The following UBR4 variants were observed in gnomAD, a reference collection of about 807,000 sequenced individuals.
The protein encoded by UBR4 is ubiquitin protein ligase E3 component n-recognin 4.
In UBR4, 124 loss-of-function variants were observed where a neutral mutation model predicts 575.6. That is an observed-to-expected ratio of 0.22 (90% confidence interval 0.19 to 0.25). The LOEUF (loss-of-function observed/expected upper bound fraction) is 0.25. Among genes scored for constraint, UBR4 ranks in the 10% least tolerant of loss-of-function variants. The pLI, the probability that UBR4 is intolerant of heterozygous loss-of-function variation, is 1.00. For synonymous variants in UBR4, 2,455 were observed against 2,473.7 expected (o/e 0.99, Z 0.22); for missense variants, 4,818 against 6,478.8 (o/e 0.74, Z 8.80).
rs1404023884 is a variant in UBR4 at position 19,173,292 on chromosome 1, T to C, written c.3180A>G (p.Lys1060=). Residue 1060 remains lysine, a synonymous_variant, in exon 24 of 106, where the codon AAA becomes AAG. Coordinates refer to ENST00000375254, the MANE Select transcript of UBR4 (RefSeq NM_020765.3). ...TAGCATGCTCAGCCTTCATTCCCTG[T>C]TTGATAAGGTGATCCTATTTGGACA... The part of the protein sequence containing the change: ...YVNWIKDHLI[K]QGMKAEHASS... 1 of 1,614,206 alleles carries C rather than the reference T, an allele frequency of 6.2e-7. No individual in the cohort carries two copies. The highest frequency in any genetic ancestry group is 1.1e-5 in the South Asian group (1 of 91,086).
At chr1:19,126,364 C>G in intron 64 of UBR4, 82 bp downstream of exon 64, 2 of 1,553,438 alleles carry the variant, frequency 1.3e-6, no homozygotes, top group Non-Finnish European at 1.8e-6. Context: ...CCCTCAGCCC[C>G]TTGAGCTCTC....
chr1:19,108,622 G>T (rs2079499874), intron 81 of UBR4, among the ~76,000 whole-genome samples: 1 of 152,124 alleles, frequency 6.6e-6, no homozygotes. Context: ...TGGCAGTGAA[G>T]AACTGCACAG....
chr1:19,173,770 C>A, intron 22 of UBR4, 149 bp from the exon 23 acceptor site: 1 of 744,086 alleles, frequency 1.3e-6, no homozygotes, highest in Non-Finnish European at 2.2e-6. Flanking sequence ...GTCCATTCTC[C>A]AGATCTTTCT....
Position 19,139,421 on chromosome 1 carries a change from T to C in UBR4, c.8594-201A>G, listed in dbSNP as rs1255323090. ...TAATCACTAACAGGAACAAACACTATACACGGTGCATTGCAAACAGTACTT... is the reference window on the plus strand; with the variant it reads ...TAATCACTAACAGGAACAAACACTACACACGGTGCATTGCAAACAGTACTT... On this transcript the variant is annotated intron_variant, in intron 58 of 105. Coordinates refer to ENST00000375254, the MANE Select transcript of UBR4 (RefSeq NM_020765.3). This position sits in a 1 kb window ranked among gnomAD's most constrained non-coding sequence, Gnocchi z 4.2. Among the ~76,000 whole-genome samples the C allele has an allele frequency of 6.6e-6, 1 of 152,180 alleles. No individual in the cohort carries two copies. Among genetic ancestry groups the C allele is most frequent in the East Asian group, 1.9e-4 (1 of 5,190 alleles).
chr1:19,168,003 T>C (rs1186855587), intron 28 of UBR4, 24 bp downstream of exon 28: 2 of 1,590,846 alleles, frequency 1.3e-6, no homozygotes, highest in East Asian at 2.3e-5. Context: ...ATAGAGTCCT[T>C]GGGGCTAGGT....
chr1:19,186,747 C>T, intron 13 of UBR4, 90 bp from the exon 14 acceptor site: 1 of 1,317,520 alleles, frequency 7.6e-7, no homozygotes, highest in Non-Finnish European at 1.1e-6. Flanking sequence ...TTTATTTTTT[C>T]CTAAATCCAA....
intron 64 of UBR4, among the ~76,000 whole-genome samples, chr1:19,124,974 G>T (rs1404067149): frequency 6.6e-6 from 1 of 151,568 alleles, no homozygotes; most frequent in African/African-American, 2.4e-5. Flanking sequence ...ATTGTACTCT[G>T]CCTACATAAA....
At chr1:19,169,164 G>A (rs946784090) in intron 27 of UBR4, among the ~76,000 whole-genome samples, 7 of 152,096 alleles carry the variant, frequency 4.6e-5, no homozygotes, top group South Asian at 2.1e-4. Context: ...ACATTGAATC[G>A]TCACAGCCCA....
In UBR4 at chr1:19,146,868, G is replaced by C; in HGVS notation, c.7762C>G (p.Leu2588Val). 1 of 1,614,178 alleles carries C rather than the reference G, an allele frequency of 6.2e-7. No homozygotes were observed. The highest frequency in any genetic ancestry group is 8.5e-7 in the Non-Finnish European group (1 of 1,180,002). Residue 2588 changes from leucine (L) to valine (V), a missense_variant, in exon 52 of 106, where the codon CTT becomes GTT. By Grantham distance (32) the Leu-to-Val change is conservative (BLOSUM62 1). Around this residue, in one of 29 missense-constraint regions of UBR4, gnomAD observed 340 missense variants for 375.4 expected, o/e 0.91. Coordinates refer to ENST00000375254, the MANE Select transcript of UBR4 (RefSeq NM_020765.3). Reference protein sequence around the residue: ...RSIAIMRPNNLVHFTESKLPQ... With the variant: ...RSIAIMRPNNVVHFTESKLPQ... The stretch of plus-strand genomic sequence containing the variant: ...AGCTTTGACTCCGTAAAGTGGACAA[G>C]GTTGTTGGGGCGCATGATGGCAATG...
chr1:19,093,667 C>G lies in UBR4; in HGVS notation c.13938-181G>C, dbSNP rs1017474197. 6.6e-6 allele frequency among the ~76,000 whole-genome samples: 1 copy of G among 152,252 alleles called. No homozygotes were observed. The highest frequency in any genetic ancestry group is 2.4e-5 in the African/African-American group (1 of 41,470). ...CCCTGTTTACCTGCTATGTCTCCCA[C>G]GCTCACAGCCTTCTCTTGCACTCAC... On this transcript the variant is annotated intron_variant, in intron 95 of 105. Transcript: ENST00000375254. The surrounding 1 kb of genome is among the most constrained non-coding windows in gnomAD (Gnocchi z 4.8).
At chr1:19,190,140 A>AG (rs200827302) in intron 11 of UBR4, among the ~76,000 whole-genome samples, 2,694 of 151,390 alleles carry the variant, frequency 0.018, 84 homozygotes, top group African/African-American at 0.062. Context: ...TACAAAAAAA[A>AG]AAAATCAGCT....
At position 19,160,905 on chromosome 1, in the gene UBR4, A is replaced by T. The variant is rs1182535802; in HGVS notation, c.5406+12T>A. 2 of 1,613,388 alleles carry T rather than the reference A, an allele frequency of 1.2e-6. No homozygotes were observed. Among genetic ancestry groups the T allele is most frequent in the Non-Finnish European group, 1.7e-6 (2 of 1,179,412 alleles). ...CTCTGTCTGCTTACTAGGGAGCATC[A>T]GTCAGCCCCACCTGGTTCTGTAATT... On this transcript the variant is annotated intron_variant, in intron 38 of 105. Coordinates refer to ENST00000375254, the MANE Select transcript of UBR4 (RefSeq NM_020765.3).
chr1:19,147,902 T>A (rs2085090467), intron 51 of UBR4, 91 bp downstream of exon 51: 5 of 1,533,286 alleles, frequency 3.3e-6, no homozygotes, highest in Non-Finnish European at 4.4e-6. Flanking sequence ...CCCTCTACCT[T>A]ACTTTGCTGT....
intron 39 of UBR4, among the ~76,000 whole-genome samples, chr1:19,159,740 T>C (rs1009296919): frequency 1.3e-5 from 2 of 151,834 alleles, no homozygotes; most frequent in African/African-American, 4.8e-5. Context: ...GGGACTATAG[T>C]TGCTGTGCCA....
chr1:19,108,845 G>A (rs1469152120), intron 81 of UBR4, among the ~76,000 whole-genome samples: 1 of 152,184 alleles, frequency 6.6e-6, no homozygotes, highest in African/African-American at 2.4e-5. Flanking sequence ...TAAGTTACAC[G>A]GAGCAAATTG....
chr1:19,117,312 T>C lies in UBR4; in HGVS notation c.10732A>G (p.Ile3578Val). 1.2e-6 allele frequency: 2 copies of C among 1,614,194 alleles called. No individual in the cohort carries two copies. The highest frequency in any genetic ancestry group is 1.7e-6 in the Non-Finnish European group (2 of 1,180,036). The change falls in exon 73 of 106, where the codon ATC (isoleucine) becomes GTC (valine). Residue 3578 changes from isoleucine to valine, a missense_variant. Physicochemically the swap from Ile to Val is conservative, Grantham distance 29. Transcript: ENST00000375254. The surrounding 1 kb of genome is among the most constrained non-coding windows in gnomAD (Gnocchi z 4.0). ...ATCTTGGTCCGTTTCAGATCCCCGATTTTCACTGTCACTTTGCTGATGGTG... is the reference window on the plus strand; with the variant it reads ...ATCTTGGTCCGTTTCAGATCCCCGACTTTCACTGTCACTTTGCTGATGGTG... ...SHTISKVTVK[I>V]GDLKRTKMVR...
At chr1:19,090,451 T>C (rs749499444) in intron 97 of UBR4, among the ~76,000 whole-genome samples, 3 of 152,164 alleles carry the variant, frequency 2.0e-5, no homozygotes, top group South Asian at 2.1e-4. Flanking sequence ...GCTCTTGCCA[T>C]GCCTCGCCTC....
intron 81 of UBR4, among the ~76,000 whole-genome samples, chr1:19,107,459 G>A (rs34215816): frequency 0.27 from 40,824 of 152,018 alleles, 6,466 homozygotes; most frequent in East Asian, 0.61. Flanking sequence ...GCTTTACATG[G>A]TTGTATCTAT....
At position 19,173,559 on chromosome 1, in the gene UBR4, T is replaced by C. The variant is rs1427612173; in HGVS notation, c.3045A>G (p.Pro1015=). 4 of 1,614,054 alleles carry C rather than the reference T, an allele frequency of 2.5e-6. No homozygotes were observed. The highest frequency in any genetic ancestry group is 3.4e-6 in the Non-Finnish European group (4 of 1,180,028). Residue 1015 remains proline, a synonymous_variant, in exon 23 of 106, where the codon CCA becomes CCG. Transcript: ENST00000375254. The part of the protein sequence containing the change: ...ILWRILGILP[P]SKTYINQLSM... ...ATAGCTGGTTAATGTAAGTCTTTGA[T>C]GGTGGTAAAATTCCTAGGATCCTCC...
Sources: allele counts gnomAD v4.1 joint callset (sites outside exome capture counted in the v4.1 genomes callset), GRCh38; gene constraint gnomAD v4.1.1; regional missense constraint gnomAD v4.1.1; non-coding constraint Gnocchi (gnomAD v3.1); transcripts MANE v1.5; gene names NCBI Gene and HGNC (gene_info 2026-07-23, HGNC 2026-07-21).